Variants in CNTN5 observed in about 807,000 individuals in gnomAD.
CNTN5 encodes contactin-5.
Under a neutral mutation model 129.1 loss-of-function variants are expected in CNTN5, and 77 were observed. The ratio of observed to expected loss-of-function variants is 0.60; its 90% CI spans 0.50 to 0.72. The LOEUF is 0.72. Among genes scored for constraint, CNTN5 ranks in the 30% least tolerant of loss-of-function variants. The pLI is 0.00. For synonymous variants in CNTN5, 509 were observed against 465.6 expected, an observed-to-expected ratio of 1.09 and a Z score of -1.20; for missense variants, 1,478 against 1,328.8, an observed-to-expected ratio of 1.11 and a Z score of -1.75.
At chr11:99,383,736 T>C (rs1940748014) in intron 2 of CNTN5, among the ~76,000 whole-genome samples, 1 of 152,182 alleles carries the variant, frequency 6.6e-6, no homozygotes, top group South Asian at 2.1e-4. Context: ...TATTAAGAAA[T>C]GCTTGTCTTA....
At chr11:99,803,655 G>T (rs904693212) in intron 3 of CNTN5, among the ~76,000 whole-genome samples, 1 of 152,152 alleles carries the variant, frequency 6.6e-6, no homozygotes, top group African/African-American at 2.4e-5. Flanking sequence ...CCGTAAATTA[G>T]CTCTCTAAGT....
chr11:99,689,387 C>T (rs990773972), intron 3 of CNTN5, among the ~76,000 whole-genome samples: 3 of 151,672 alleles, frequency 2.0e-5, no homozygotes, highest in South Asian at 2.1e-4. Flanking sequence ...ATTAGCTGGG[C>T]GTGGTGGTGG....
intron 3 of CNTN5, among the ~76,000 whole-genome samples, chr11:99,589,906 A>G (rs1478856601): frequency 6.6e-6 from 1 of 152,202 alleles, no homozygotes; most frequent in Non-Finnish European, 1.5e-5. Flanking sequence ...AATTAAGGTG[A>G]GTAATACAAG....
At position 99,414,205 on chromosome 11, in the gene CNTN5, C is replaced by T. The variant is rs557254843; in HGVS notation, c.-71+88721C>T. 9.2e-5 allele frequency among the ~76,000 whole-genome samples: 14 copies of T among 152,210 alleles called. No individual in the cohort carries two copies. In the South Asian group the frequency reaches 2.1e-3, roughly 23 times the overall value. ...AACGCATTAGTTCCAGCTGAACAAA[C>T]GCTGAGAAAATAACAAAAATATACA... On this transcript the variant is annotated intron_variant, in intron 2 of 24. Transcript: ENST00000524871.
intron 1 of CNTN5, among the ~76,000 whole-genome samples, chr11:99,176,627 A>T (rs530929905): frequency 6.6e-6 from 1 of 152,298 alleles, no homozygotes; most frequent in Admixed American, 6.5e-5. Context: ...TTTTTCTTAC[A>T]CATCATTTCC....
intron 2 of CNTN5, among the ~76,000 whole-genome samples, chr11:99,469,139 C>T (rs1945069911): frequency 1.3e-5 from 2 of 152,004 alleles, no homozygotes; most frequent in Non-Finnish European, 2.9e-5. Flanking sequence ...TTTAAATTCC[C>T]ATATTCCCAT....
At chr11:99,596,319 A>G (rs1032744422) in intron 3 of CNTN5, among the ~76,000 whole-genome samples, 1 of 152,208 alleles carries the variant, frequency 6.6e-6, no homozygotes, top group African/African-American at 2.4e-5. Context: ...TGACTATCCT[A>G]CTAATAGCAT....
At chr11:99,382,662 C>G (rs1195248654) in intron 2 of CNTN5, among the ~76,000 whole-genome samples, 1 of 151,818 alleles carries the variant, frequency 6.6e-6, no homozygotes, top group African/African-American at 2.4e-5. Context: ...ACTCCTGAGA[C>G]TTATGACACA....
intron 3 of CNTN5, among the ~76,000 whole-genome samples, chr11:99,573,003 A>G: frequency 6.6e-6 from 1 of 152,210 alleles, no homozygotes. Context: ...GACTATTTTT[A>G]AATTTAAAAT....
intron 3 of CNTN5, among the ~76,000 whole-genome samples, chr11:99,669,878 T>C (rs1025221972): frequency 6.6e-6 from 1 of 152,174 alleles, no homozygotes; most frequent in African/African-American, 2.4e-5. Context: ...GCATCTATCA[T>C]AAGCAATAAT....
At chr11:99,682,962 A>G (rs1953625246) in intron 3 of CNTN5, among the ~76,000 whole-genome samples, 1 of 152,064 alleles carries the variant, frequency 6.6e-6, no homozygotes, top group South Asian at 2.1e-4. Flanking sequence ...GTGCAGGGAA[A>G]TATAAAGACA....
chr11:99,931,650 A>G (rs1281641402), intron 7 of CNTN5, among the ~76,000 whole-genome samples: 1 of 152,232 alleles, frequency 6.6e-6, no homozygotes, highest in Non-Finnish European at 1.5e-5. Flanking sequence ...ACTGGTTCCC[A>G]TTAGTGGGAA....
At chr11:99,100,071 A>G (rs369638444) in intron 1 of CNTN5, among the ~76,000 whole-genome samples, 1 of 152,192 alleles carries the variant, frequency 6.6e-6, no homozygotes, top group South Asian at 2.1e-4. Flanking sequence ...TAAAATCATT[A>G]AACATTTGGG....
rs1412924765 is a variant in CNTN5, at chr11:99,671,314, GATC to G, written c.55+115048_55+115050del. Among the ~76,000 whole-genome samples the G allele has an allele frequency of 2.0e-5, 3 of 152,022 alleles. No individual in the cohort carries two copies. In the East Asian group the frequency reaches 5.8e-4, roughly 29 times the overall value. On this transcript the variant is annotated intron_variant, in intron 3 of 24. Transcript: ENST00000524871. ...CCAGTACAGTGCCTGAAATGTATGA[GATC>G]ATAATATTTACGACAAAAAGAATAA...
chr11:99,224,240 A>G (rs1565416329), intron 1 of CNTN5, among the ~76,000 whole-genome samples: 1 of 152,100 alleles, frequency 6.6e-6, no homozygotes, highest in Non-Finnish European at 1.5e-5. Flanking sequence ...CTATATTTCT[A>G]TTTTTCTTTT....
intron 3 of CNTN5, among the ~76,000 whole-genome samples, chr11:99,712,832 G>C (rs1955049871): frequency 6.6e-6 from 1 of 151,820 alleles, no homozygotes; most frequent in Non-Finnish European, 1.5e-5. Context: ...TGCTCCATCG[G>C]TCTATATATC....
chr11:99,857,976 CTGTT>C, intron 6 of CNTN5, among the ~76,000 whole-genome samples: 1 of 152,048 alleles, frequency 6.6e-6, no homozygotes, highest in South Asian at 2.1e-4. Context: ...AAATGTTATT[CTGTT>C]TGAATTGCCA....
At chr11:100,343,630 T>C (rs189002830) in intron 23 of CNTN5, among the ~76,000 whole-genome samples, 2 of 152,258 alleles carry the variant, frequency 1.3e-5, no homozygotes, top group Admixed American at 6.5e-5. Flanking sequence ...TAAAGAGCTA[T>C]AACCCAGAGA....
intron 1 of CNTN5, among the ~76,000 whole-genome samples, chr11:99,122,948 A>C (rs1237071349): frequency 6.6e-6 from 1 of 152,136 alleles, no homozygotes; most frequent in African/African-American, 2.4e-5. Context: ...TCTACCGTTC[A>C]TGGGCATTCA....
Sources: allele counts gnomAD v4.1 joint callset (sites outside exome capture counted in the v4.1 genomes callset), GRCh38; gene constraint gnomAD v4.1.1; transcripts MANE v1.5; gene names NCBI Gene and HGNC (gene_info 2026-07-23, HGNC 2026-07-21).